Variants in CTNNA1 observed in about 807,000 individuals in gnomAD.
CTNNA1 encodes the protein catenin alpha-1.
CTNNA1 carries 37 observed loss-of-function variants against 98.4 expected under a neutral mutation model. That is an observed-to-expected ratio of 0.38 (90% CI 0.29 to 0.49). CTNNA1 has a LOEUF of 0.49. Ranked by LOEUF, CTNNA1 falls within the 20% of genes least tolerant of loss-of-function variation. The pLI, the probability that CTNNA1 is intolerant of heterozygous loss-of-function variation, is 0.95. For missense variants in CTNNA1, 761 were observed against 1,147.2 expected, an observed-to-expected ratio of 0.66 and a Z score of 4.86; for synonymous variants, 404 against 413.2, an observed-to-expected ratio of 0.98 and a Z score of 0.27.
chr5:138,786,627 A>G (rs1474944254), intron 3 of CTNNA1, among the ~76,000 whole-genome samples: 2 of 152,116 alleles, frequency 1.3e-5, no homozygotes, highest in Non-Finnish European at 2.9e-5. Context: ...ACTTTTTCTC[A>G]TGGATTATTC....
Position 138,781,999 on chromosome 5 carries a change from TGA to T in CTNNA1, c.80_81del (p.Arg27ThrfsTer17), listed in dbSNP as rs1161711503. 6.2e-7 allele frequency: 1 copy of T among 1,608,262 alleles called. No homozygotes were observed. Among genetic ancestry groups the T allele is most frequent in the Non-Finnish European group, 8.5e-7 (1 of 1,178,824 alleles). On this transcript the variant is annotated frameshift_variant, in exon 2 of 18. Transcript: ENST00000302763. LOFTEE classifies it high-confidence loss of function. Reference sequence around the variant, plus strand: ...GTCTAGAGATCAGGACTCTGGCAGTTGAGAGACTGTTGGAGCCTCTTGTTACA... The same window carrying T: ...GTCTAGAGATCAGGACTCTGGCAGTTGAGACTGTTGGAGCCTCTTGTTACA... ...KSLEIRTLAV[E>X]RLLEPLVTQV...
At chr5:138,793,853 TTCTG>T (rs576400432) in intron 3 of CTNNA1, among the ~76,000 whole-genome samples, 23 of 152,186 alleles carry the variant, frequency 1.5e-4, no homozygotes, top group East Asian at 3.9e-4. Context: ...TTTAAATCCA[TTCTG>T]TCTGTCAACT....
chr5:138,769,140 G>T (rs187961969), intron 1 of CTNNA1, among the ~76,000 whole-genome samples: 1 of 151,726 alleles, frequency 6.6e-6, no homozygotes, highest in South Asian at 2.1e-4. Flanking sequence ...TGATCCTCCC[G>T]CCTTGGCCTC....
At chr5:138,881,031 A>G (rs1415964179) in intron 7 of CTNNA1, 18 of 456,240 alleles carry the variant, frequency 3.9e-5, no homozygotes, top group South Asian at 2.3e-4. Context: ...CTTACTCTGT[A>G]CGGTTTATAG....
intron 7 of CTNNA1, among the ~76,000 whole-genome samples, chr5:138,833,298 T>C (rs1761459737): frequency 6.6e-6 from 1 of 152,218 alleles, no homozygotes; most frequent in Admixed American, 6.5e-5. Flanking sequence ...ACACATGCCA[T>C]GGGCTTAAGT....
intron 2 of CTNNA1, 88 bp from the exon 3 acceptor site, chr5:138,783,089 A>T: frequency 1.9e-6 from 2 of 1,048,158 alleles, no homozygotes; most frequent in South Asian, 2.0e-5. Flanking sequence ...GTGATTTTTT[A>T]AAAGAATAAC....
At chr5:138,869,050 C>A (rs961993749) in intron 7 of CTNNA1, 2 of 150,392 alleles carry the variant, frequency 1.3e-5, no homozygotes, top group Non-Finnish European at 3.0e-5. Flanking sequence ...CATCTGCCCA[C>A]CTCCCACCCA....
At chr5:138,755,089 T>G (rs1751478894) in intron 1 of CTNNA1, 1 of 152,186 alleles carries the variant, frequency 6.6e-6, no homozygotes. Flanking sequence ...GAAAGAATAA[T>G]TTTTTAATCC....
intron 2 of CTNNA1, chr5:138,782,319 C>G (rs1755207609): frequency 2.0e-6 from 1 of 503,178 alleles, no homozygotes; most frequent in African/African-American, 1.9e-5. Context: ...AGGGGAAACC[C>G]AAGAAAGGTG....
rs149877566 is a variant in CTNNA1 at position 138,873,439 on chromosome 5, A to G, written c.1063-12773A>G. 3.6e-4 allele frequency: 586 copies of G among 1,613,980 alleles called. 1 individual carries two copies. In the East Asian group the frequency reaches 1.0e-2, roughly 27 times the overall value. On this transcript the variant is annotated intron_variant, in intron 7 of 17. Transcript: ENST00000302763. The surrounding 1 kb of genome is among the most constrained non-coding windows in gnomAD (Gnocchi z 6.1). ...TTGTATATTCAGTGGTTGGATCTCT[A>G]TAAGTTGTAGCCATGACAGTGACAG... is the stretch of plus-strand genomic sequence containing the variant.
At chr5:138,843,903 T>G (rs1482391019) in intron 7 of CTNNA1, among the ~76,000 whole-genome samples, 2 of 152,240 alleles carry the variant, frequency 1.3e-5, no homozygotes, top group African/African-American at 4.8e-5. Flanking sequence ...AGGAGTCTAC[T>G]GTAGTTACTG....
chr5:138,813,680 CA>C (rs765155014), intron 5 of CTNNA1, among the ~76,000 whole-genome samples: 2 of 152,104 alleles, frequency 1.3e-5, no homozygotes, highest in Non-Finnish European at 2.9e-5. Context: ...GGTTGGAGTA[CA>C]GTGGTGGCAT....
intron 7 of CTNNA1, among the ~76,000 whole-genome samples, chr5:138,848,317 G>A (rs1321962235): frequency 6.6e-6 from 1 of 152,202 alleles, no homozygotes; most frequent in African/African-American, 2.4e-5. Context: ...AACCACTGCT[G>A]TTAATACTAG....
chr5:138,914,919 G>A (rs1046818914), intron 10 of CTNNA1, among the ~76,000 whole-genome samples: 7 of 152,024 alleles, frequency 4.6e-5, no homozygotes, highest in African/African-American at 9.7e-5. Context: ...AGGCCGAGGC[G>A]GGTGGATCAC....
At chr5:138,897,380 T>C (rs889048565) in intron 9 of CTNNA1, among the ~76,000 whole-genome samples, 4 of 144,962 alleles carry the variant, frequency 2.8e-5, no homozygotes, top group African/African-American at 5.1e-5. Context: ...TGGTTTGAAA[T>C]GTATATTTTA....
intron 6 of CTNNA1, 110 bp downstream of exon 6, chr5:138,824,909 GATCTTTA>G: frequency 1.0e-6 from 1 of 994,302 alleles, no homozygotes; most frequent in Non-Finnish European, 1.5e-6. Context: ...TTTCCACTTA[GATCTTTA>G]ATCTAAGTCA....
At chr5:138,933,074 C>T (rs2150352949) in intron 17 of CTNNA1, 2 of 694,948 alleles carry the variant, frequency 2.9e-6, no homozygotes, top group South Asian at 3.1e-5. Flanking sequence ...ATGGAGGTTG[C>T]AGTGAGCCGA....
At chr5:138,933,096 T>G in intron 17 of CTNNA1, 1 of 671,206 alleles carries the variant, frequency 1.5e-6, no homozygotes. Context: ...ATGGCACCAC[T>G]GCACTCCCGT....
chr5:138,874,984 T>G lies in CTNNA1; in HGVS notation c.1063-11228T>G. The G allele has an allele frequency of 3.3e-6, 5 of 1,509,678 alleles. No individual in the cohort carries two copies. The highest frequency in any genetic ancestry group is 4.6e-6 in the Non-Finnish European group (5 of 1,090,846). 93.5% of individuals were successfully genotyped at this position (1,509,678 alleles called of 1,614,324 possible). ...AACGCAGTGAGTCTGTAAAAGGCTC[T>G]AACATGTAGGAGCCTTTGACCAGTT... On this transcript the variant is annotated intron_variant, in intron 7 of 17. Transcript: ENST00000302763. This position sits in a 1 kb window ranked among gnomAD's most constrained non-coding sequence, Gnocchi z 4.1.
Sources: allele counts gnomAD v4.1 joint callset (sites outside exome capture counted in the v4.1 genomes callset), GRCh38; gene constraint gnomAD v4.1.1; non-coding constraint Gnocchi (gnomAD v3.1); transcripts MANE v1.5; gene names NCBI Gene and HGNC (gene_info 2026-07-23, HGNC 2026-07-21).